The following PROX2 variants were observed in gnomAD, a reference collection of about 807,000 sequenced individuals.
PROX2 encodes the protein prospero homeobox 2, also known as prospero homeobox protein 2.
In PROX2, 46 loss-of-function variants were observed where a neutral mutation model predicts 48.9. That is an observed-to-expected ratio of 0.94 (90% confidence interval 0.74 to 1.20). The LOEUF is 1.20. Among genes scored for constraint, PROX2 ranks in the 50% most tolerant of loss-of-function variants. The pLI is 0.00. For missense variants in PROX2, 663 were observed against 719.4 expected (o/e 0.92, Z 0.90); for synonymous variants, 260 against 276.6 (o/e 0.94, Z 0.60).
At chr14:74,872,529 T>G (rs1040548468) in intron 1 of PROX2, among the ~76,000 whole-genome samples, 1 of 152,308 alleles carries the variant, frequency 6.6e-6, no homozygotes, top group South Asian at 2.1e-4. Context: ...CATCTGTATA[T>G]GAATACATTT....
intron 2 of PROX2, among the ~76,000 whole-genome samples, chr14:74,865,932 T>C (rs1429452319): frequency 6.6e-6 from 1 of 151,998 alleles, no homozygotes; most frequent in Admixed American, 6.6e-5. Flanking sequence ...ATATAAGTAC[T>C]AGACAGACAT....
Position 74,862,425 on chromosome 14 carries a change from C to T in PROX2, c.1305+105G>A, listed in dbSNP as rs918071275. ...TGCAGGCTAGTCTTGAACACCTGTC[C>T]TCAAGTAATCCTCCCACCTTGGCCT... On this transcript the variant is annotated intron_variant, in intron 3 of 5. Transcript: ENST00000556489. The T allele has an allele frequency of 3.7e-5, 49 of 1,328,948 alleles. No homozygotes were observed. In the African/African-American group the frequency reaches 5.4e-4, roughly 15 times the overall value. The allele number at this position is 1,328,948 out of a possible 1,614,324, so 82.3% of individuals were successfully genotyped here.
intron 1 of PROX2, chr14:74,874,250 A>C (rs1433129317): frequency 3.1e-6 from 1 of 323,294 alleles, no homozygotes; most frequent in Non-Finnish European, 5.9e-6. Flanking sequence ...GCATCATACA[A>C]GTTTTTTTTT....
Position 74,858,778 on chromosome 14 carries a change from T to TTGTGTGTGTG in PROX2, c.1306-274_1306-265dup, listed in dbSNP as rs3083647. ...GATGTCAAATACAGGTTGGTGTATT[T>TTGTGTGTGTG]TGTGTGTGTGTGTGTGTGTGTGTGT... On this transcript the variant is annotated intron_variant, in intron 3 of 5. Transcript: ENST00000556489. The TTGTGTGTGTG allele has an allele frequency of 6.2e-3, 1,339 of 214,504 alleles. 39 individuals are homozygous for TTGTGTGTGTG. The highest frequency in any genetic ancestry group is 0.021 in the African/African-American group (825 of 38,422). The allele number at this position is 214,504 out of a possible 1,614,324, so 13.3% of individuals were successfully genotyped here.
chr14:74,875,777 G>A (rs1883328796), intron 1 of PROX2, among the ~76,000 whole-genome samples, 118 bp downstream of exon 1: 1 of 152,172 alleles, frequency 6.6e-6, no homozygotes, highest in African/African-American at 2.4e-5. Flanking sequence ...TGAGTATAGG[G>A]GTGGGTATTG....
chr14:74,858,725 C>T (rs2091767313), intron 3 of PROX2: 11 of 506,164 alleles, frequency 2.2e-5, no homozygotes, highest in Non-Finnish European at 3.9e-5. Context: ...AAAATCATCT[C>T]GATGTGGAAA....
chr14:74,853,398 CTT>C lies in PROX2; in HGVS notation c.*1732_*1733del, dbSNP rs1305606035. On this transcript the variant is annotated 3_prime_UTR_variant, in exon 6 of 6. Transcript: ENST00000556489. Reference sequence around the variant, plus strand: ...ACTCCATGCTTGCCTGTGTTTAAAACTTAGGTTTGGCAGATTCCTTCATTTTT... The same window carrying C: ...ACTCCATGCTTGCCTGTGTTTAAAACAGGTTTGGCAGATTCCTTCATTTTT... The C allele has an allele frequency of 6.6e-6, 1 of 152,200 alleles. No homozygotes were observed. The highest frequency in any genetic ancestry group is 1.9e-4 in the East Asian group (1 of 5,200). 9.4% of individuals were successfully genotyped at this position (152,200 alleles called of 1,614,324 possible). A position where few individuals can be genotyped will look rare whatever the true frequency, so the allele number is the denominator to read the frequency against.
intron 2 of PROX2, among the ~76,000 whole-genome samples, chr14:74,870,613 A>C (rs1002486549): frequency 7.9e-5 from 12 of 152,082 alleles, no homozygotes; most frequent in Non-Finnish European, 1.6e-4. Context: ...TTGTAATGAA[A>C]AAAGGCAATC....
Position 74,863,763 on chromosome 14 carries a change from T to C in PROX2, c.72A>G (p.Glu24=). 2 of 1,527,482 alleles carry C rather than the reference T, an allele frequency of 1.3e-6. No homozygotes were observed. Among genetic ancestry groups the C allele is most frequent in the Non-Finnish European group, 1.8e-6 (2 of 1,142,268 alleles). 94.6% of individuals were successfully genotyped at this position (1,527,482 alleles called of 1,614,324 possible). The change falls in exon 3 of 6, where the codon GAA becomes GAG. Residue 24 remains glutamate (E), a synonymous_variant. Coordinates refer to ENST00000556489, the MANE Select transcript of PROX2 (RefSeq NM_001243007.2). ...CTGGAGGGGATGAGCTTCTCTCGCC[T>C]TCCGTACAAGCTTCTGCTAGGTGGG... ...ICSHLAEACT[E]GERSSSPPEL...
At chr14:74,857,134 C>A in intron 4 of PROX2, 139 bp from the exon 5 acceptor site, 1 of 628,970 alleles carries the variant, frequency 1.6e-6, no homozygotes, top group Non-Finnish European at 2.7e-6. Flanking sequence ...AAAAAAGAAG[C>A]GAAGCCACCG....
In PROX2 at chr14:74,855,124, C is replaced by G. The variant is rs763965108; in HGVS notation, c.*8G>C. ...TCCTCACGTTGTGGGATCTTAACCC[C>G]GAAACAGCTACTGGGGATAGCTGGA... On this transcript the variant is annotated 3_prime_UTR_variant, in exon 6 of 6. Coordinates refer to ENST00000556489, the MANE Select transcript of PROX2 (RefSeq NM_001243007.2). 1 of 1,530,784 alleles carries G rather than the reference C, an allele frequency of 6.5e-7. No homozygotes were observed. 94.8% of individuals were successfully genotyped at this position (1,530,784 alleles called of 1,614,324 possible).
intron 3 of PROX2, among the ~76,000 whole-genome samples, chr14:74,859,658 C>T (rs1230652896): frequency 6.6e-6 from 1 of 152,218 alleles, no homozygotes; most frequent in East Asian, 1.9e-4. Flanking sequence ...AGAAGCATTA[C>T]ACAGAGTAAC....
intron 2 of PROX2, among the ~76,000 whole-genome samples, chr14:74,869,273 C>T (rs1450344020): frequency 6.7e-6 from 1 of 149,748 alleles, no homozygotes; most frequent in Non-Finnish European, 1.5e-5. Flanking sequence ...TGAAGCAGAA[C>T]CTTCAACTTT....
intron 4 of PROX2, 200 bp from the exon 5 acceptor site, chr14:74,857,195 A>AGT (rs1233027120): frequency 3.9e-6 from 2 of 508,778 alleles, no homozygotes; most frequent in Non-Finnish European, 7.0e-6. Context: ...AATTAGCTAC[A>AGT]GTGCCCATTA....
intron 2 of PROX2, among the ~76,000 whole-genome samples, chr14:74,869,019 A>G (rs1185064992): frequency 1.3e-5 from 2 of 152,150 alleles, no homozygotes; most frequent in Non-Finnish European, 2.9e-5. Flanking sequence ...TCACATCTGG[A>G]TCCAATAAGT....
intron 5 of PROX2, chr14:74,855,637 A>G (rs1445471745): frequency 5.3e-6 from 1 of 189,868 alleles, no homozygotes; most frequent in African/African-American, 2.3e-5. Context: ...AGACTTCGGT[A>G]TTCTTTTCCC....
Position 74,855,150 on chromosome 14 carries a change from A to G in PROX2, c.1761T>C (p.Ser587=). ...GAAACAGCTACTGGGGATAGCTGGA[A>G]GATTTGAATATCTCTGGGATGTCAC... ...LDSDIPEIFK[S]SSYPQ The change falls in exon 6 of 6, where the codon TCT becomes TCC. Residue 587 remains serine (S), a synonymous_variant. Coordinates refer to ENST00000556489, the MANE Select transcript of PROX2 (RefSeq NM_001243007.2). 4 of 1,563,502 alleles carry G rather than the reference A, an allele frequency of 2.6e-6. No homozygotes were observed. Among genetic ancestry groups the G allele is most frequent in the Non-Finnish European group, 3.5e-6 (4 of 1,145,788 alleles).
At chr14:74,857,240 G>A (rs1594857890) in intron 4 of PROX2, 1 of 395,364 alleles carries the variant, frequency 2.5e-6, no homozygotes, top group East Asian at 3.9e-5. Context: ...TAGATTTATG[G>A]GGGTTGTTTT....
chr14:74,854,450 A>G lies in PROX2; in HGVS notation c.*682T>C, dbSNP rs2091727132. 7.4e-6 allele frequency: 2 copies of G among 269,980 alleles called. No homozygotes were observed. Among genetic ancestry groups the G allele is most frequent in the Admixed American group, 1.0e-4 (2 of 19,262 alleles). 16.7% of individuals were successfully genotyped at this position (269,980 alleles called of 1,614,324 possible). On this transcript the variant is annotated 3_prime_UTR_variant, in exon 6 of 6. Transcript: ENST00000556489. ...TGAGATCCTGAGTTAGCTGCAGGAG[A>G]TGGGTCCAGCATGCAGTTGGGCATC... is the stretch of plus-strand genomic sequence containing the variant.
Sources: allele counts gnomAD v4.1 joint callset (sites outside exome capture counted in the v4.1 genomes callset), GRCh38; gene constraint gnomAD v4.1.1; transcripts MANE v1.5; gene names NCBI Gene and HGNC (gene_info 2026-07-23, HGNC 2026-07-21).